Variants in ANKDD1B observed in about 807,000 individuals in gnomAD.
ANKDD1B encodes the protein ankyrin repeat and death domain containing 1B.
ANKDD1B carries 57 observed loss-of-function variants against 59.7 expected under a neutral mutation model. That is an observed-to-expected ratio of 0.95 (90% CI 0.77 to 1.19). ANKDD1B has a LOEUF of 1.19. Ranked by LOEUF, ANKDD1B falls within the 50% of genes most tolerant of loss-of-function variation. ANKDD1B has a pLI of 0.00. For synonymous variants in ANKDD1B, 216 were observed against 239.5 expected (o/e 0.90, Z 0.91); for missense variants, 602 against 641.9 (o/e 0.94, Z 0.67).
intron 7 of ANKDD1B, among the ~76,000 whole-genome samples, chr5:75,640,246 C>T (rs1320347179): frequency 1.3e-5 from 2 of 151,996 alleles, no homozygotes; most frequent in African/African-American, 2.4e-5. Flanking sequence ...GGCTTTGCCA[C>T]GTTGCCCAGG....
At chr5:75,662,336 C>T (rs1380865320) in intron 10 of ANKDD1B, among the ~76,000 whole-genome samples, 1 of 152,126 alleles carries the variant, frequency 6.6e-6, no homozygotes, top group African/African-American at 2.4e-5. Context: ...TTACTTTCAG[C>T]CCTAATTTTC....
In ANKDD1B at chr5:75,659,378, C is replaced by T. The variant is rs1775057953; in HGVS notation, c.1092C>T (p.Asp364=). The change falls in exon 10 of 14, where the codon GAC becomes GAT. Residue 364 remains aspartate, a synonymous_variant. Coordinates refer to ENST00000601380, the MANE Select transcript of ANKDD1B (RefSeq NM_001276713.2). The part of the protein sequence containing the change: ...LKAGCDLKAV[D]KQGKTALAVA... ...CAGGCTGTGACTTGAAGGCTGTTGA[C>T]AAGGTAAGTGCATGGACTTTACTCC... 1 of 1,534,288 alleles carries T rather than the reference C, an allele frequency of 6.5e-7. No homozygotes were observed. Among genetic ancestry groups the T allele is most frequent in the African/African-American group, 1.4e-5 (1 of 73,114 alleles).
chr5:75,659,474 T>C, intron 10 of ANKDD1B, 93 bp downstream of exon 10: 1 of 898,650 alleles, frequency 1.1e-6, no homozygotes, highest in African/African-American at 1.6e-5. Context: ...GGAATATCCT[T>C]TGTGAAATGG....
chr5:75,660,162 G>A (rs897521003), intron 10 of ANKDD1B, among the ~76,000 whole-genome samples: 2 of 152,118 alleles, frequency 1.3e-5, no homozygotes, highest in Non-Finnish European at 2.9e-5. Context: ...GTTCAGTATG[G>A]TTAAGCATAT....
chr5:75,632,093 C>T (rs1341228388), intron 5 of ANKDD1B, among the ~76,000 whole-genome samples: 1 of 119,792 alleles, frequency 8.3e-6, no homozygotes, highest in Admixed American at 9.5e-5. Context: ...GGCAACAGAG[C>T]AAAACTCTGT....
intron 2 of ANKDD1B, among the ~76,000 whole-genome samples, chr5:75,618,087 C>T (rs75406618): frequency 0.051 from 7,516 of 147,590 alleles, 273 homozygotes; most frequent in East Asian, 0.18. Context: ...CATTTTGTAG[C>T]GTAACAATTT....
At chr5:75,647,245 A>T (rs1483208997) in intron 7 of ANKDD1B, among the ~76,000 whole-genome samples, 1 of 116,852 alleles carries the variant, frequency 8.6e-6, no homozygotes, top group South Asian at 2.5e-4. Flanking sequence ...GCCAAAATTG[A>T]CAAATGGGAT....
At chr5:75,624,989 A>C (rs1021619390) in intron 3 of ANKDD1B, among the ~76,000 whole-genome samples, 1 of 152,138 alleles carries the variant, frequency 6.6e-6, no homozygotes, top group Non-Finnish European at 1.5e-5. Context: ...TCCATAACTT[A>C]TTTAGCATTC....
At chr5:75,654,552 T>G (rs1055472359) in intron 8 of ANKDD1B, among the ~76,000 whole-genome samples, 1 of 152,084 alleles carries the variant, frequency 6.6e-6, no homozygotes, top group Non-Finnish European at 1.5e-5. Flanking sequence ...CAGTGGTGCA[T>G]GCCTGTAGCC....
chr5:75,627,744 G>A (rs1774030418), intron 5 of ANKDD1B, among the ~76,000 whole-genome samples: 2 of 152,170 alleles, frequency 1.3e-5, no homozygotes, highest in African/African-American at 4.8e-5. Flanking sequence ...CCCCTTCAAT[G>A]TGCCCTGATT....
At chr5:75,668,422 A>G (rs1308072446) in intron 12 of ANKDD1B, among the ~76,000 whole-genome samples, 3 of 152,208 alleles carry the variant, frequency 2.0e-5, no homozygotes, top group Non-Finnish European at 2.9e-5. Context: ...GTTTGTCAAG[A>G]GCAAGATTAG....
chr5:75,660,737 A>G (rs1775114628), intron 10 of ANKDD1B, among the ~76,000 whole-genome samples: 1 of 152,154 alleles, frequency 6.6e-6, no homozygotes, highest in Non-Finnish European at 1.5e-5. Flanking sequence ...GAGGTGGACA[A>G]AATCACTCCA....
intron 6 of ANKDD1B, chr5:75,635,243 T>C (rs1376032512): frequency 2.9e-6 from 1 of 349,224 alleles, no homozygotes; most frequent in African/African-American, 2.0e-5. Context: ...ACATGGATTT[T>C]TCCATGATCA....
chr5:75,636,091 C>T (rs927754442), intron 7 of ANKDD1B, among the ~76,000 whole-genome samples: 3 of 152,148 alleles, frequency 2.0e-5, no homozygotes, highest in African/African-American at 4.8e-5. Context: ...ATTCAAATAA[C>T]GTTGTTTAAT....
Position 75,625,720 on chromosome 5 carries a change from G to C in ANKDD1B, c.470G>C (p.Gly157Ala). The change falls in exon 4 of 14, where the codon GGA (glycine) becomes GCA (alanine). Residue 157 changes from glycine (G) to alanine (A), a missense_variant. Physicochemically the swap from Gly to Ala is moderately conservative, Grantham distance 60. Coordinates refer to ENST00000601380, the MANE Select transcript of ANKDD1B (RefSeq NM_001276713.2). ...GTCATGCTCATGCTGGTTAAAGCTG[G>C]AGCAGACCAGAGAGCCAAGAATCAG... ...LEVMLMLVKA[G>A]ADQRAKNQDG... The C allele has an allele frequency of 6.5e-7, 1 of 1,536,334 alleles. No individual in the cohort carries two copies. The highest frequency in any genetic ancestry group is 8.7e-7 in the Non-Finnish European group (1 of 1,146,954).
intron 7 of ANKDD1B, among the ~76,000 whole-genome samples, chr5:75,651,563 T>C (rs550103921): frequency 5.3e-5 from 8 of 152,338 alleles, no homozygotes; most frequent in Middle Eastern, 3.4e-3. Flanking sequence ...ATTGAATGTC[T>C]GCCTAGCACA....
rs1775053662 is a variant in ANKDD1B at position 75,659,291 on chromosome 5, A to G, written c.1005A>G (p.Gln335=). 6.5e-7 allele frequency: 1 copy of G among 1,535,640 alleles called. No individual in the cohort carries two copies. The highest frequency in any genetic ancestry group is 1.2e-5 in the South Asian group (1 of 84,054). The change falls in exon 10 of 14, where the codon CAA becomes CAG. Residue 335 remains glutamine (Q), a synonymous_variant. Coordinates refer to ENST00000601380, the MANE Select transcript of ANKDD1B (RefSeq NM_001276713.2). ...CCTTAATTTCATGGCAGAAGCAGCAAACCCCTCTGCATGTAGCTGCTGATC... is the reference window on the plus strand; with the variant it reads ...CCTTAATTTCATGGCAGAAGCAGCAGACCCCTCTGCATGTAGCTGCTGATC... The part of the protein sequence containing the change: ...HDIDILNQKQ[Q]TPLHVAADRG...
intron 10 of ANKDD1B, among the ~76,000 whole-genome samples, chr5:75,662,098 G>A (rs1047604872): frequency 2.0e-5 from 3 of 151,948 alleles, no homozygotes; most frequent in Non-Finnish European, 4.4e-5. Flanking sequence ...ACCCCTAAGG[G>A]TAGAAGTGTT....
intron 2 of ANKDD1B, among the ~76,000 whole-genome samples, chr5:75,619,200 C>A (rs1423270750): frequency 6.6e-6 from 1 of 152,164 alleles, no homozygotes; most frequent in African/African-American, 2.4e-5. Flanking sequence ...TACCTGATAA[C>A]AAAAACTACC....
Sources: allele counts gnomAD v4.1 joint callset (sites outside exome capture counted in the v4.1 genomes callset), GRCh38; gene constraint gnomAD v4.1.1; transcripts MANE v1.5; gene names NCBI Gene and HGNC (gene_info 2026-07-23, HGNC 2026-07-21).